The following PAPPA variants were observed in gnomAD, a reference collection of about 807,000 sequenced individuals.
PAPPA encodes pappalysin 1, also known as pappalysin-1.
Under a neutral mutation model 164.0 loss-of-function variants are expected in PAPPA, and 60 were observed. The observed-to-expected ratio is 0.37, with a 90% CI of 0.30 to 0.45. The LOEUF (loss-of-function observed/expected upper bound fraction) is 0.45. PAPPA is among the 20% of genes least tolerant of loss of function. The pLI is 1.00. For missense variants in PAPPA, 1,782 were observed against 2,087.3 expected, an observed-to-expected ratio of 0.85 and a Z score of 2.85; for synonymous variants, 875 against 814.1, an observed-to-expected ratio of 1.07 and a Z score of -1.27.
chr9:116,326,849 T>C (rs1250623055), intron 10 of PAPPA, among the ~76,000 whole-genome samples: 1 of 152,260 alleles, frequency 6.6e-6, no homozygotes, highest in Non-Finnish European at 1.5e-5. Context: ...TTGTTTTCCA[T>C]GTCTGGCTTA....
At chr9:116,252,146 T>C (rs1844867626) in intron 7 of PAPPA, among the ~76,000 whole-genome samples, 1 of 152,236 alleles carries the variant, frequency 6.6e-6, no homozygotes, top group Non-Finnish European at 1.5e-5. Flanking sequence ...GACAATTATA[T>C]CAAAGATTGC....
At position 116,335,079 on chromosome 9, in the gene PAPPA, G is replaced by T; in HGVS notation, c.3611+5G>T. 1.9e-6 allele frequency: 3 copies of T among 1,610,664 alleles called. No homozygotes were observed. The highest frequency in any genetic ancestry group is 2.5e-6 in the Non-Finnish European group (3 of 1,178,684). ...CTACAGCCCTGCCGAGCAGAGGTAA[G>T]GGATCCGCGGCAGACTCGCCCTAGG... is the stretch of plus-strand genomic sequence containing the variant. On this transcript the variant is annotated splice_donor_5th_base_variant and intron_variant, in intron 13 of 21. Coordinates refer to ENST00000328252, the MANE Select transcript of PAPPA (RefSeq NM_002581.5).
intron 4 of PAPPA, among the ~76,000 whole-genome samples, chr9:116,213,408 T>C (rs1222716813): frequency 1.3e-5 from 2 of 152,032 alleles, no homozygotes; most frequent in African/African-American, 4.8e-5. Flanking sequence ...AGTCTTAGAT[T>C]TGAGTGCTCA....
intron 17 of PAPPA, among the ~76,000 whole-genome samples, chr9:116,360,142 C>T (rs1846405458): frequency 6.6e-6 from 1 of 152,212 alleles, no homozygotes; most frequent in African/African-American, 2.4e-5. Flanking sequence ...GGTCTGCAGC[C>T]CTTTAGGGGT....
In PAPPA at chr9:116,187,631, C is replaced by T. The variant is rs372065878; in HGVS notation, c.893C>T (p.Ser298Phe). The T allele has an allele frequency of 9.3e-6, 15 of 1,614,054 alleles. No individual in the cohort carries two copies. The Admixed American group carries it at 2.2e-4, about 23-fold the overall frequency. The change falls in exon 2 of 22, where the codon TCC (serine) becomes TTC (phenylalanine). Residue 298 changes from serine (S) to phenylalanine (F), a missense_variant. Ser to Phe is a radical substitution (Grantham distance 155, BLOSUM62 -2). This residue lies in a region of PAPPA where 458 missense variants were observed against 430.3 expected (regional missense o/e 1.06). Coordinates refer to ENST00000328252, the MANE Select transcript of PAPPA (RefSeq NM_002581.5). The surrounding 1 kb of genome is among the most constrained non-coding windows in gnomAD (Gnocchi z 4.2). ...ENWDNVKHAW[S>F]PMKDGSSPKV... The stretch of plus-strand genomic sequence containing the variant: ...TGGGACAATGTGAAGCATGCCTGGT[C>T]CCCCATGAAGGATGGCAGCAGCCCC...
At chr9:116,258,409 C>G (rs1004894854) in intron 7 of PAPPA, among the ~76,000 whole-genome samples, 1 of 152,068 alleles carries the variant, frequency 6.6e-6, no homozygotes, top group South Asian at 2.1e-4. Context: ...GTAATCCCAG[C>G]ACTTTGAGAG....
At chr9:116,247,247 G>T (rs1306012063) in intron 7 of PAPPA, among the ~76,000 whole-genome samples, 1 of 152,150 alleles carries the variant, frequency 6.6e-6, no homozygotes, top group Non-Finnish European at 1.5e-5. Flanking sequence ...GGAAAAAGAG[G>T]TCTGTGTGTA....
At chr9:116,232,910 G>T (rs934212146) in intron 6 of PAPPA, among the ~76,000 whole-genome samples, 24 of 152,154 alleles carry the variant, frequency 1.6e-4, no homozygotes, top group African/African-American at 4.8e-4. Context: ...AGGGAGGAAG[G>T]ATGAGCCAGG....
intron 9 of PAPPA, among the ~76,000 whole-genome samples, chr9:116,272,896 G>A (rs2118828718): frequency 6.6e-6 from 1 of 152,298 alleles, no homozygotes; most frequent in Non-Finnish European, 1.5e-5. Context: ...TTTACCTACT[G>A]TAAATTTTTA....
At chr9:116,339,532 T>G (rs558757922) in intron 13 of PAPPA, among the ~76,000 whole-genome samples, 6 of 152,322 alleles carry the variant, frequency 3.9e-5, no homozygotes, top group Admixed American at 3.9e-4. Flanking sequence ...AATGAGGTCC[T>G]AGCATAGTAG....
At chr9:116,201,962 G>A (rs1844176482) in intron 2 of PAPPA, among the ~76,000 whole-genome samples, 1 of 152,098 alleles carries the variant, frequency 6.6e-6, no homozygotes, top group Non-Finnish European at 1.5e-5. Flanking sequence ...CACCCATCAA[G>A]AGCCCAGGAA....
At chr9:116,229,499 T>C (rs1461593298) in intron 6 of PAPPA, among the ~76,000 whole-genome samples, 2 of 152,218 alleles carry the variant, frequency 1.3e-5, no homozygotes, top group Non-Finnish European at 2.9e-5. Flanking sequence ...TACTAATAGA[T>C]ATAACCTGCA....
intron 7 of PAPPA, among the ~76,000 whole-genome samples, chr9:116,258,073 TA>T (rs1844953316): frequency 6.6e-6 from 1 of 151,886 alleles, no homozygotes; most frequent in African/African-American, 2.4e-5. Context: ...ACTGAAACTA[TA>T]AAAGAAGACC....
At chr9:116,189,127 G>C (rs1844012803) in intron 2 of PAPPA, among the ~76,000 whole-genome samples, 10 of 152,126 alleles carry the variant, frequency 6.6e-5, no homozygotes. Context: ...AAGGATGTTA[G>C]AACAAATCTA....
chr9:116,397,535 A>G lies in PAPPA; in HGVS notation c.*919A>G, dbSNP rs1846981495. 6.6e-6 allele frequency: 1 copy of G among 152,588 alleles called. No homozygotes were observed. The highest frequency in any genetic ancestry group is 2.1e-4 in the South Asian group (1 of 4,826). The allele number at this position is 152,588 out of a possible 1,614,324, so 9.5% of individuals were successfully genotyped here. ...GTTAGGAAAAATTCCACACAACCAA[A>G]CAGTCTGCCTTAAAAGTGACCCACA... On this transcript the variant is annotated 3_prime_UTR_variant, in exon 22 of 22. Coordinates refer to ENST00000328252, the MANE Select transcript of PAPPA (RefSeq NM_002581.5).
intron 1 of PAPPA, among the ~76,000 whole-genome samples, chr9:116,167,593 G>A (rs918685470): frequency 6.6e-6 from 1 of 152,164 alleles, no homozygotes; most frequent in African/African-American, 2.4e-5. Flanking sequence ...ATCCTCTGAT[G>A]AGGGGCCCTG....
intron 1 of PAPPA, among the ~76,000 whole-genome samples, chr9:116,171,005 T>G (rs1843770131): frequency 6.6e-6 from 1 of 152,234 alleles, no homozygotes; most frequent in African/African-American, 2.4e-5. Flanking sequence ...AGTTCTATCA[T>G]ATAAATATTC....
chr9:116,282,996 G>GT (rs1264303163), intron 9 of PAPPA, among the ~76,000 whole-genome samples: 1 of 152,124 alleles, frequency 6.6e-6, no homozygotes, highest in South Asian at 2.1e-4. Flanking sequence ...AAAGGACTGA[G>GT]TTTTTTTCAT....
intron 21 of PAPPA, among the ~76,000 whole-genome samples, chr9:116,384,694 A>G (rs1004961123): frequency 6.6e-6 from 1 of 152,184 alleles, no homozygotes; most frequent in Non-Finnish European, 1.5e-5. Flanking sequence ...GATTCTTACA[A>G]TTGGAATGCC....
Sources: gnomAD v4.1 joint callset for allele counts (sites outside exome capture counted in the v4.1 genomes callset) on GRCh38, gnomAD v4.1.1 for gene constraint, gnomAD v4.1.1 regional missense constraint, Gnocchi (gnomAD v3.1) non-coding constraint, MANE v1.5 for transcripts, NCBI Gene and HGNC (gene_info 2026-07-23, HGNC 2026-07-21) for gene names.